NPAS3: variants seen among roughly 807,000 people sequenced by gnomAD.
The protein encoded by NPAS3 is neuronal PAS domain-containing protein 3.
Under a neutral mutation model 73.1 loss-of-function variants are expected in NPAS3, and 14 were observed. That is an observed-to-expected ratio of 0.19 (90% CI 0.13 to 0.30). The LOEUF (loss-of-function observed/expected upper bound fraction) is 0.30, where lower values mean the gene tolerates loss of function less well. Ranked by LOEUF, NPAS3 falls within the 10% of genes least tolerant of loss-of-function variation. The probability of loss-of-function intolerance (pLI) is 1.00; values close to 1 mark genes in which losing one functional copy is unlikely to be tolerated. For missense variants in NPAS3, 1,096 were observed against 1,250.0 expected (o/e 0.88, Z 1.86); for synonymous variants, 620 against 541.5 (o/e 1.14, Z -2.01).
intron 7 of NPAS3, among the ~76,000 whole-genome samples, chr14:33,738,284 C>A (rs1384318570): frequency 1.3e-5 from 2 of 152,186 alleles, no homozygotes; most frequent in Non-Finnish European, 2.9e-5. Context: ...TCGAATCCTC[C>A]AAGGCTGTCC....
intron 1 of NPAS3, among the ~76,000 whole-genome samples, chr14:33,031,689 G>A (rs1243517771): frequency 2.0e-5 from 3 of 152,126 alleles, no homozygotes; most frequent in African/African-American, 7.2e-5. Context: ...GGGCCTCACA[G>A]TGTTGCCCAA....
intron 10 of NPAS3, 57 bp from the exon 11 acceptor site, chr14:33,797,400 C>A: frequency 6.3e-7 from 1 of 1,585,024 alleles, no homozygotes; most frequent in Non-Finnish European, 8.6e-7. Flanking sequence ...GAAGATGGTC[C>A]AAACAAACCA....
intron 2 of NPAS3, among the ~76,000 whole-genome samples, chr14:33,156,942 G>A (rs575280109): frequency 6.6e-6 from 1 of 152,238 alleles, no homozygotes; most frequent in African/African-American, 2.4e-5. Flanking sequence ...CATTAATGCA[G>A]TATTTATAAA....
intron 5 of NPAS3, among the ~76,000 whole-genome samples, chr14:33,649,356 C>T (rs1256479464): frequency 2.6e-5 from 4 of 152,204 alleles, no homozygotes; most frequent in Admixed American, 2.0e-4. Flanking sequence ...AGACATGACG[C>T]TGGAAACCAG....
chr14:33,024,091 T>A (rs1003526140), intron 1 of NPAS3, among the ~76,000 whole-genome samples: 3 of 151,942 alleles, frequency 2.0e-5, no homozygotes, highest in Admixed American at 6.6e-5. Context: ...TCAAGTAATA[T>A]ATGTATATGT....
chr14:33,604,353 G>A (rs747312417), intron 5 of NPAS3, among the ~76,000 whole-genome samples: 1 of 152,014 alleles, frequency 6.6e-6, no homozygotes, highest in African/African-American at 2.4e-5. Flanking sequence ...CTAATAGAAA[G>A]AGTAGCTATG....
In NPAS3 at chr14:33,144,963, TATC is replaced by T. The variant is rs568878638; in HGVS notation, c.141-70216_141-70214del. ...CCTCGAATATTTTATCTATTATTGTTATCATACTTGAATTACAACTTGGTTTGT... is the reference window on the plus strand; with the variant it reads ...CCTCGAATATTTTATCTATTATTGTTATACTTGAATTACAACTTGGTTTGT... On this transcript the variant is annotated intron_variant, in intron 2 of 11. Transcript: ENST00000356141. Among the ~76,000 whole-genome samples the T allele has an allele frequency of 2.6e-4, 39 of 152,306 alleles. No individual in the cohort carries two copies. The East Asian group carries it at 7.1e-3, about 28-fold the overall frequency.
intron 7 of NPAS3, among the ~76,000 whole-genome samples, chr14:33,769,745 AT>A (rs5807743): frequency 0.14 from 14,244 of 103,352 alleles, 983 homozygotes; most frequent in Middle Eastern, 0.23. Flanking sequence ...AAAGACTTGG[AT>A]TTTTTTTTTC....
intron 3 of NPAS3, among the ~76,000 whole-genome samples, chr14:33,274,225 G>A (rs753773413): frequency 2.6e-5 from 4 of 152,148 alleles, no homozygotes; most frequent in Non-Finnish European, 4.4e-5. Context: ...CACAGTGATT[G>A]GTACAAGAGT....
intron 2 of NPAS3, among the ~76,000 whole-genome samples, chr14:33,207,469 A>G (rs2046874331): frequency 1.3e-5 from 2 of 152,146 alleles, no homozygotes; most frequent in Admixed American, 1.3e-4. Context: ...CAAATTGTAA[A>G]CCAGTGGCAC....
At chr14:33,457,952 A>G (rs561592976) in intron 4 of NPAS3, among the ~76,000 whole-genome samples, 1 of 152,270 alleles carries the variant, frequency 6.6e-6, no homozygotes, top group Admixed American at 6.5e-5. Flanking sequence ...TATAAACTAA[A>G]TAAGACAGTG....
chr14:33,135,636 T>C (rs989728645), intron 2 of NPAS3, among the ~76,000 whole-genome samples: 2 of 152,170 alleles, frequency 1.3e-5, no homozygotes, highest in Non-Finnish European at 2.9e-5. Context: ...ATTTGGGTCA[T>C]TGATTACAAA....
chr14:32,939,713 A>G (rs2035895533), intron 1 of NPAS3, among the ~76,000 whole-genome samples: 1 of 150,950 alleles, frequency 6.6e-6, no homozygotes, highest in Non-Finnish European at 1.5e-5. Flanking sequence ...TGACGGGAGC[A>G]GCAGCGAGGG....
chr14:33,125,655 G>T (rs565581949), intron 2 of NPAS3, among the ~76,000 whole-genome samples: 1 of 152,044 alleles, frequency 6.6e-6, no homozygotes. Context: ...TGTGAAACAT[G>T]GCTCAGCTGC....
At chr14:33,211,605 A>G (rs1194573001) in intron 2 of NPAS3, among the ~76,000 whole-genome samples, 1 of 152,290 alleles carries the variant, frequency 6.6e-6, no homozygotes, top group African/African-American at 2.4e-5. Flanking sequence ...GGTTGGTGTG[A>G]TGGACTACAT....
At chr14:33,619,621 A>G (rs1407426934) in intron 5 of NPAS3, among the ~76,000 whole-genome samples, 2 of 152,244 alleles carry the variant, frequency 1.3e-5, no homozygotes, top group Admixed American at 6.5e-5. Flanking sequence ...TCTTTTAGAA[A>G]GCTCACACAC....
At chr14:33,366,215 G>T (rs1003065260) in intron 3 of NPAS3, among the ~76,000 whole-genome samples, 1 of 151,774 alleles carries the variant, frequency 6.6e-6, no homozygotes, top group Non-Finnish European at 1.5e-5. Flanking sequence ...GTGATTCTGG[G>T]GGCTTCTTGA....
intron 3 of NPAS3, among the ~76,000 whole-genome samples, chr14:33,319,888 C>T (rs531545622): frequency 4.4e-4 from 67 of 152,214 alleles, no homozygotes; most frequent in African/African-American, 1.5e-3. Flanking sequence ...ATTTTTCATC[C>T]TTGTGTTACA....
chr14:33,208,161 A>G (rs541786856), intron 2 of NPAS3, among the ~76,000 whole-genome samples: 1 of 151,770 alleles, frequency 6.6e-6, no homozygotes, highest in Non-Finnish European at 1.5e-5. Context: ...GTTCTGGGGG[A>G]AAATGAAGAA....
Sources: allele counts gnomAD v4.1 joint callset (sites outside exome capture counted in the v4.1 genomes callset), GRCh38; gene constraint gnomAD v4.1.1; transcripts MANE v1.5; gene names NCBI Gene and HGNC (gene_info 2026-07-23, HGNC 2026-07-21).